DNM3: variants seen among roughly 807,000 people sequenced by gnomAD.
DNM3 encodes dynamin 3.
In DNM3, 47 loss-of-function variants were observed where a neutral mutation model predicts 101.6. That is an observed-to-expected ratio of 0.46 (90% CI 0.37 to 0.59). DNM3 has a LOEUF of 0.59. DNM3 is among the 20% of genes least tolerant of loss of function. The pLI is 0.00. For missense variants in DNM3, 849 were observed against 1,085.7 expected (o/e 0.78, Z 3.06); for synonymous variants, 385 against 387.9 (o/e 0.99, Z 0.09).
intron 15 of DNM3, among the ~76,000 whole-genome samples, chr1:172,286,068 T>TTTTATATA (rs1553222035): frequency 2.7e-5 from 4 of 147,454 alleles, no homozygotes; most frequent in South Asian, 4.3e-4. Flanking sequence ...AGTGAGTTAT[T>TTTTATATA]TATATATATA....
intron 16 of DNM3, among the ~76,000 whole-genome samples, chr1:172,322,443 A>G (rs189003323): frequency 2.0e-5 from 3 of 152,206 alleles, no homozygotes; most frequent in Non-Finnish European, 4.4e-5. Flanking sequence ...CCCCGGGAGT[A>G]ATGAATCACC....
chr1:172,054,056 A>C (rs2050396937), intron 10 of DNM3, among the ~76,000 whole-genome samples: 1 of 152,228 alleles, frequency 6.6e-6, no homozygotes, highest in Non-Finnish European at 1.5e-5. Flanking sequence ...GAAAATAAGT[A>C]ATTCCAGCTA....
chr1:172,190,963 G>T (rs1213343649), intron 14 of DNM3, among the ~76,000 whole-genome samples: 1 of 152,142 alleles, frequency 6.6e-6, no homozygotes, highest in Non-Finnish European at 1.5e-5. Flanking sequence ...CCATTCTGTA[G>T]GTTGCCTGTT....
chr1:171,882,680 TAA>T (rs2036392794), intron 1 of DNM3, among the ~76,000 whole-genome samples: 1 of 152,054 alleles, frequency 6.6e-6, no homozygotes, highest in Non-Finnish European at 1.5e-5. Flanking sequence ...TCATGTCTTT[TAA>T]ATTTTTAATC....
chr1:171,960,992 A>T (rs929206650), intron 2 of DNM3, among the ~76,000 whole-genome samples: 1 of 152,148 alleles, frequency 6.6e-6, no homozygotes, highest in Non-Finnish European at 1.5e-5. Flanking sequence ...TCAAGACCAG[A>T]AGGCTGACCA....
At chr1:172,405,890 CT>C (rs1174370858) in intron 20 of DNM3, among the ~76,000 whole-genome samples, 367 of 144,614 alleles carry the variant, frequency 2.5e-3, no homozygotes, top group Middle Eastern at 7.1e-3. Context: ...ACTTTAGCTA[CT>C]TTTTTTTTTT....
intron 20 of DNM3, among the ~76,000 whole-genome samples, chr1:172,400,647 C>G (rs772890261): frequency 6.6e-6 from 1 of 152,054 alleles, no homozygotes. Flanking sequence ...AGTACAAAGG[C>G]CAAAATACTT....
intron 10 of DNM3, among the ~76,000 whole-genome samples, chr1:172,059,749 G>A (rs2051000103): frequency 7.1e-6 from 1 of 141,492 alleles, no homozygotes. Flanking sequence ...GTACTGAATG[G>A]GCAAAAACTG....
chr1:172,168,768 C>T lies in DNM3; in HGVS notation c.1659+37480C>T, dbSNP rs148344526. Among the ~76,000 whole-genome samples, 569 of 152,036 alleles carry T rather than the reference C, an allele frequency of 3.7e-3. 9 individuals carry two copies. Among genetic ancestry groups the T allele is most frequent in the African/African-American group, 0.013 (541 of 41,522 alleles). On this transcript the variant is annotated intron_variant, in intron 14 of 20. Coordinates refer to ENST00000627582, the MANE Select transcript of DNM3 (RefSeq NM_015569.5). ...CTCCACATGAGACAGGCCCCTCACA[C>T]GGTCTTATTGCCTATAGAGTCCTGC...
At chr1:172,243,697 A>G (rs1263816057) in intron 14 of DNM3, among the ~76,000 whole-genome samples, 1 of 152,194 alleles carries the variant, frequency 6.6e-6, no homozygotes, top group East Asian at 1.9e-4. Context: ...TACAGTGCTC[A>G]AGAGAAAAAG....
At chr1:172,044,572 T>A in intron 9 of DNM3, 120 bp downstream of exon 9, 1 of 777,050 alleles carries the variant, frequency 1.3e-6, no homozygotes, top group Non-Finnish European at 2.0e-6. Flanking sequence ...GAGGTGGGAG[T>A]AAGAAACAGG....
chr1:172,292,369 T>A (rs755362637), intron 15 of DNM3, among the ~76,000 whole-genome samples: 22 of 152,210 alleles, frequency 1.4e-4, no homozygotes, highest in Non-Finnish European at 2.9e-4. Context: ...ATTTTACTCA[T>A]CTTACATTAG....
At chr1:172,082,673 G>T (rs2053246161) in intron 12 of DNM3, among the ~76,000 whole-genome samples, 1 of 152,142 alleles carries the variant, frequency 6.6e-6, no homozygotes, top group Non-Finnish European at 1.5e-5. Flanking sequence ...TACTTAAACT[G>T]AGTATTCAAG....
chr1:172,308,332 T>C (rs1245664875), intron 15 of DNM3, among the ~76,000 whole-genome samples: 1 of 152,212 alleles, frequency 6.6e-6, no homozygotes, highest in East Asian at 1.9e-4. Context: ...CCGTGCATCT[T>C]AAAGTTTTAT....
chr1:172,111,680 G>T (rs1008997093), intron 13 of DNM3, among the ~76,000 whole-genome samples: 34 of 152,290 alleles, frequency 2.2e-4, no homozygotes, highest in African/African-American at 7.2e-4. Context: ...AAACACAGTG[G>T]CGAGTAATTC....
At chr1:172,242,674 C>T (rs2061793326) in intron 14 of DNM3, among the ~76,000 whole-genome samples, 1 of 152,172 alleles carries the variant, frequency 6.6e-6, no homozygotes, top group African/African-American at 2.4e-5. Flanking sequence ...AACTCTTGGG[C>T]TCAAGCGATC....
intron 15 of DNM3, 83 bp from the exon 16 acceptor site, chr1:172,308,645 C>A: frequency 3.5e-6 from 2 of 576,238 alleles, no homozygotes; most frequent in Non-Finnish European, 5.4e-6. Context: ...TTGTCACTTA[C>A]ATCATCATCG....
chr1:172,093,855 C>G, intron 13 of DNM3: 1 of 740,968 alleles, frequency 1.3e-6, no homozygotes, highest in Non-Finnish European at 2.2e-6. Context: ...TTGTCTTGTC[C>G]GTAACACCCT....
chr1:172,010,160 C>G (rs1355353710), intron 4 of DNM3, among the ~76,000 whole-genome samples: 1 of 151,848 alleles, frequency 6.6e-6, no homozygotes, highest in Non-Finnish European at 1.5e-5. Context: ...AAAACACATG[C>G]TATGTTTTCT....
Sources: allele counts gnomAD v4.1 joint callset (sites outside exome capture counted in the v4.1 genomes callset), GRCh38; gene constraint gnomAD v4.1.1; transcripts MANE v1.5; gene names NCBI Gene and HGNC (gene_info 2026-07-23, HGNC 2026-07-21).